PTPRT: variants seen among roughly 807,000 people sequenced by gnomAD.
PTPRT encodes protein tyrosine phosphatase receptor type T.
In PTPRT, 56 loss-of-function variants were observed where a neutral mutation model predicts 176.8. The ratio of observed to expected loss-of-function variants is 0.32; its 90% CI spans 0.26 to 0.40. The LOEUF is 0.40. PTPRT is among the 10% of genes least tolerant of loss of function. The pLI is 1.00. For synonymous variants in PTPRT, 783 were observed against 739.0 expected (o/e 1.06, Z -0.96); for missense variants, 1,540 against 1,908.2 (o/e 0.81, Z 3.60).
At chr20:42,505,340 C>T (rs1159458356) in intron 7 of PTPRT, among the ~76,000 whole-genome samples, 1 of 152,118 alleles carries the variant, frequency 6.6e-6, no homozygotes, top group East Asian at 1.9e-4. Context: ...CCCGCTCTGT[C>T]TCCCAGGCTG....
intron 7 of PTPRT, among the ~76,000 whole-genome samples, chr20:42,537,625 G>A (rs1322852731): frequency 3.9e-5 from 6 of 152,194 alleles, no homozygotes; most frequent in Non-Finnish European, 8.8e-5. Context: ...TCCAAGTTCA[G>A]TTCTCTTTCA....
intron 5 of PTPRT, among the ~76,000 whole-genome samples, chr20:42,767,497 T>C (rs1019317404): frequency 2.0e-5 from 3 of 152,042 alleles, no homozygotes; most frequent in Non-Finnish European, 4.4e-5. Flanking sequence ...ACTTCTCAGT[T>C]TCCACAGTCA....
intron 1 of PTPRT, among the ~76,000 whole-genome samples, chr20:43,019,924 G>T (rs1985578408): frequency 6.6e-6 from 1 of 151,948 alleles, no homozygotes; most frequent in Non-Finnish European, 1.5e-5. Flanking sequence ...TTTGGTCTCA[G>T]ATTGACAGAT....
intron 16 of PTPRT, among the ~76,000 whole-genome samples, chr20:42,198,594 G>A (rs577476784): frequency 2.0e-5 from 3 of 152,282 alleles, no homozygotes; most frequent in African/African-American, 7.2e-5. Flanking sequence ...GTTCTTCTTA[G>A]GATAAGGGTT....
At chr20:42,539,213 T>C (rs2145571866) in intron 7 of PTPRT, among the ~76,000 whole-genome samples, 1 of 152,274 alleles carries the variant, frequency 6.6e-6, no homozygotes, top group East Asian at 1.9e-4. Flanking sequence ...TGGGGCTGAG[T>C]ACACACTAAC....
intron 7 of PTPRT, among the ~76,000 whole-genome samples, chr20:42,526,421 G>T (rs1365642226): frequency 6.6e-6 from 1 of 151,930 alleles, no homozygotes; most frequent in East Asian, 1.9e-4. Context: ...CTTCCAATAT[G>T]GCCCCTTTGT....
intron 23 of PTPRT, among the ~76,000 whole-genome samples, chr20:42,109,752 G>A (rs757223800): frequency 3.9e-5 from 6 of 152,200 alleles, no homozygotes; most frequent in East Asian, 1.9e-4. Flanking sequence ...CAGACTGGAC[G>A]AGAAGTAAAT....
intron 16 of PTPRT, among the ~76,000 whole-genome samples, chr20:42,176,025 G>A (rs989893656): frequency 2.6e-5 from 4 of 151,868 alleles, no homozygotes; most frequent in Admixed American, 1.3e-4. Flanking sequence ...AACATACATC[G>A]TCTTCATGAA....
At position 42,619,770 on chromosome 20, in the gene PTPRT, G is replaced by A. The variant is rs1299208577; in HGVS notation, c.1153+58096C>T. 9.1e-5 allele frequency among the ~76,000 whole-genome samples: 12 copies of A among 131,168 alleles called. 1 individual carries two copies. Among genetic ancestry groups the A allele is most frequent in the Non-Finnish European group, 1.6e-4 (10 of 64,488 alleles). The allele number at this position is 131,168 out of a possible 152,430, so 86.1% of individuals were successfully genotyped here. On this transcript the variant is annotated intron_variant, in intron 7 of 30. Transcript: ENST00000373187. ...CTTCTGCATTCTTCACGTAGTTCTC[G>A]AGCCTTGGTTTTCAGCTCCATCAGC... is the stretch of plus-strand genomic sequence containing the variant.
chr20:42,950,462 C>T (rs1193242337), intron 1 of PTPRT, among the ~76,000 whole-genome samples: 1 of 152,132 alleles, frequency 6.6e-6, no homozygotes, highest in Non-Finnish European at 1.5e-5. Context: ...CCCTTCTCAC[C>T]TAGCTGCCTT....
intron 16 of PTPRT, among the ~76,000 whole-genome samples, chr20:42,189,908 A>C (rs1990929974): frequency 6.6e-6 from 1 of 152,170 alleles, no homozygotes; most frequent in African/African-American, 2.4e-5. Flanking sequence ...AACTTGTCTT[A>C]ATTTAACTCC....
At chr20:42,865,762 AG>A (rs2078735818) in intron 2 of PTPRT, among the ~76,000 whole-genome samples, 1 of 152,104 alleles carries the variant, frequency 6.6e-6, no homozygotes, top group African/African-American at 2.4e-5. Flanking sequence ...TCCAACAAAG[AG>A]GTGTCCCAGG....
At chr20:42,348,763 G>A (rs1271124312) in intron 11 of PTPRT, among the ~76,000 whole-genome samples, 1 of 152,168 alleles carries the variant, frequency 6.6e-6, no homozygotes, top group Non-Finnish European at 1.5e-5. Context: ...GGCTATGAGG[G>A]ATGACAGCAT....
At chr20:42,274,909 G>A (rs990871605) in intron 13 of PTPRT, among the ~76,000 whole-genome samples, 1 of 152,126 alleles carries the variant, frequency 6.6e-6, no homozygotes, top group Non-Finnish European at 1.5e-5. Context: ...AGAGGCATGG[G>A]AAGAGGTTAA....
chr20:43,042,684 G>A (rs183536819), intron 1 of PTPRT, among the ~76,000 whole-genome samples: 2,033 of 140,002 alleles, frequency 0.015, 28 homozygotes, highest in Non-Finnish European at 0.021. Context: ...GACCTGGGTA[G>A]TGAGAAGGGC....
intron 2 of PTPRT, among the ~76,000 whole-genome samples, chr20:42,877,261 A>G (rs2078948311): frequency 3.3e-5 from 5 of 152,152 alleles, no homozygotes; most frequent in Admixed American, 3.3e-4. Context: ...CCAATTCTCC[A>G]GCCTCTGGCT....
chr20:42,813,292 T>A (rs897466628), intron 2 of PTPRT, among the ~76,000 whole-genome samples: 1 of 152,140 alleles, frequency 6.6e-6, no homozygotes, highest in Admixed American at 6.6e-5. Context: ...TTGTGAATAA[T>A]TTACCTCTGT....
intron 7 of PTPRT, among the ~76,000 whole-genome samples, chr20:42,475,440 T>G (rs982320279): frequency 2.6e-5 from 4 of 152,060 alleles, no homozygotes; most frequent in Admixed American, 6.5e-5. Context: ...TGAGACAAAA[T>G]AATTGGCCTA....
intron 6 of PTPRT, among the ~76,000 whole-genome samples, chr20:42,716,061 G>A (rs762292333): frequency 4.6e-5 from 7 of 152,102 alleles, no homozygotes; most frequent in Non-Finnish European, 1.0e-4. Flanking sequence ...CACTTCTGTT[G>A]TAAGAATCTT....
Sources: gnomAD v4.1 joint callset for allele counts (sites outside exome capture counted in the v4.1 genomes callset) on GRCh38, gnomAD v4.1.1 for gene constraint, MANE v1.5 for transcripts, NCBI Gene and HGNC (gene_info 2026-07-23, HGNC 2026-07-21) for gene names.